PRKG2: variants seen among roughly 807,000 people sequenced by gnomAD.
PRKG2 encodes the protein cGMP-dependent protein kinase 2.
In PRKG2, 33 loss-of-function variants were observed where a neutral mutation model predicts 97.2. The observed-to-expected ratio is 0.34, with a 90% confidence interval of 0.26 to 0.45. PRKG2 has a LOEUF of 0.45. Among genes scored for constraint, PRKG2 ranks in the 20% least tolerant of loss-of-function variants. The probability of loss-of-function intolerance (pLI) is 1.00; values close to 1 mark genes in which losing one functional copy is unlikely to be tolerated. For synonymous variants in PRKG2, 330 were observed against 321.8 expected, an observed-to-expected ratio of 1.03 and a Z score of -0.27; for missense variants, 638 against 900.0, an observed-to-expected ratio of 0.71 and a Z score of 3.73.
intron 6 of PRKG2, among the ~76,000 whole-genome samples, chr4:81,158,402 T>G (rs1028220791): frequency 1.8e-5 from 2 of 113,930 alleles, no homozygotes; most frequent in Non-Finnish European, 3.1e-5. Flanking sequence ...CAAGGAGAAC[T>G]ACAAACCTTC....
At chr4:81,103,750 G>C (rs929083293) in intron 17 of PRKG2, among the ~76,000 whole-genome samples, 1 of 152,066 alleles carries the variant, frequency 6.6e-6, no homozygotes, top group African/African-American at 2.4e-5. Flanking sequence ...ATACATACTA[G>C]GATCAGGCAT....
In PRKG2 at chr4:81,089,613, A is replaced by T. The variant is rs1578315009; in HGVS notation, c.*95T>A. 1.1e-6 allele frequency: 1 copy of T among 922,934 alleles called. No individual in the cohort carries two copies. The highest frequency in any genetic ancestry group is 2.6e-5 in the East Asian group (1 of 39,090). 57.2% of individuals were successfully genotyped at this position (922,934 alleles called of 1,614,324 possible). A position where few individuals can be genotyped will look rare whatever the true frequency, so the allele number is the denominator to read the frequency against. ...TCTTTTCCCTAATGGTCTTCCAAAG[A>T]TATTATAATACTCTGAAAAGAAAAT... On this transcript the variant is annotated 3_prime_UTR_variant, in exon 19 of 19. Transcript: ENST00000264399.
At chr4:81,183,943 G>C (rs1355389287) in intron 2 of PRKG2, among the ~76,000 whole-genome samples, 1 of 152,176 alleles carries the variant, frequency 6.6e-6, no homozygotes, top group Non-Finnish European at 1.5e-5. Flanking sequence ...TGCCTCTCTA[G>C]ATTCCCCCTC....
intron 15 of PRKG2, among the ~76,000 whole-genome samples, chr4:81,108,477 GTT>G (rs58784804): frequency 2.9e-5 from 4 of 138,754 alleles, no homozygotes; most frequent in Non-Finnish European, 1.6e-5. Context: ...AACACTATTG[GTT>G]TTTTTTTTTT....
At chr4:81,189,054 T>TAAAAAAAAAAAAAAAAAAAAAAAAAAAA (rs1462589613) in intron 2 of PRKG2, among the ~76,000 whole-genome samples, 1 of 10,794 alleles carries the variant, frequency 9.3e-5, no homozygotes, top group Non-Finnish European at 1.5e-4. Flanking sequence ...AAAAAAAGAT[T>TAAAAAAAAAAAAAAAAAAAAAAAAAAAA]AAAAAAAATA....
At chr4:81,112,802 A>G (rs1472095935) in intron 14 of PRKG2, among the ~76,000 whole-genome samples, 2 of 152,230 alleles carry the variant, frequency 1.3e-5, no homozygotes, top group African/African-American at 2.4e-5. Flanking sequence ...CAAGTTTTGT[A>G]TATTTTCTAT....
chr4:81,189,066 TAAAAAAAAAAA>T, intron 2 of PRKG2, among the ~76,000 whole-genome samples: 1 of 17,062 alleles, frequency 5.9e-5, no homozygotes, highest in Non-Finnish European at 7.7e-5. Flanking sequence ...AAAAAAATAA[TAAAAAAAAAAA>T]AAAAAAAAAA....
chr4:81,114,353 A>G (rs1286256364), intron 14 of PRKG2, among the ~76,000 whole-genome samples: 1 of 152,142 alleles, frequency 6.6e-6, no homozygotes, highest in Non-Finnish European at 1.5e-5. Flanking sequence ...TGAAGAGATA[A>G]TCATTAACGT....
chr4:81,214,208 T>G (rs2110140635), intron 1 of PRKG2, among the ~76,000 whole-genome samples: 1 of 150,064 alleles, frequency 6.7e-6, no homozygotes, highest in African/African-American at 2.5e-5. Context: ...CCCTGGGAAC[T>G]TGGGGAACAA....
chr4:81,198,849 G>A (rs1026259413), intron 2 of PRKG2, among the ~76,000 whole-genome samples: 5 of 152,152 alleles, frequency 3.3e-5, no homozygotes, highest in Admixed American at 6.6e-5. Flanking sequence ...TGATCTGAGT[G>A]TCTACATGCA....
intron 17 of PRKG2, among the ~76,000 whole-genome samples, chr4:81,100,137 C>A (rs1402956023): frequency 1.3e-5 from 2 of 151,480 alleles, no homozygotes; most frequent in African/African-American, 4.9e-5. Flanking sequence ...GGCCATACTG[C>A]CCAAGGTAAT....
chr4:81,158,851 G>A (rs1417238507), intron 6 of PRKG2, among the ~76,000 whole-genome samples: 2 of 151,956 alleles, frequency 1.3e-5, no homozygotes, highest in Non-Finnish European at 2.9e-5. Context: ...ATGGGGAAAG[G>A]ATTCCCTATT....
At chr4:81,097,092 G>C (rs1200414369) in intron 17 of PRKG2, among the ~76,000 whole-genome samples, 2 of 151,890 alleles carry the variant, frequency 1.3e-5, no homozygotes, top group African/African-American at 4.8e-5. Context: ...TATTCCTTGA[G>C]GTTTAGGCTG....
At chr4:81,186,587 T>A (rs1751900066) in intron 2 of PRKG2, among the ~76,000 whole-genome samples, 2 of 151,036 alleles carry the variant, frequency 1.3e-5, no homozygotes, top group Admixed American at 1.3e-4. Context: ...GCAAACAAAC[T>A]CAAAAGCTAG....
intron 14 of PRKG2, among the ~76,000 whole-genome samples, chr4:81,127,480 T>A (rs1047684838): frequency 6.6e-6 from 1 of 152,234 alleles, no homozygotes; most frequent in African/African-American, 2.4e-5. Context: ...GGAATGTTTT[T>A]CTATTCGTTT....
intron 2 of PRKG2, among the ~76,000 whole-genome samples, chr4:81,191,116 A>C (rs1010007616): frequency 7.3e-6 from 1 of 136,146 alleles, no homozygotes; most frequent in Admixed American, 6.8e-5. Flanking sequence ...TCATTCTACT[A>C]TAAAGATACA....
rs920719033 is a variant in PRKG2 at position 81,140,520 on chromosome 4, A to C, written c.1544+13T>G. ...GAAAATCCTAACTCCTTGGAAGCCA[A>C]GTGGTCACTTACTTCACAATGAATG... On this transcript the variant is annotated intron_variant, in intron 12 of 18. Transcript: ENST00000264399. The C allele has an allele frequency of 6.4e-7, 1 of 1,560,406 alleles. No individual in the cohort carries two copies.
chr4:81,117,600 A>G (rs1744672124), intron 14 of PRKG2, among the ~76,000 whole-genome samples: 1 of 152,156 alleles, frequency 6.6e-6, no homozygotes, highest in Non-Finnish European at 1.5e-5. Context: ...ATACGTTAAA[A>G]TTCTCTCAGC....
intron 1 of PRKG2, among the ~76,000 whole-genome samples, chr4:81,208,954 G>T (rs17005092): frequency 0.058 from 8,872 of 152,156 alleles, 851 homozygotes; most frequent in African/African-American, 0.2. Flanking sequence ...ACACTGCAAT[G>T]AAATGCTTAA....
Sources: allele counts gnomAD v4.1 joint callset (sites outside exome capture counted in the v4.1 genomes callset), GRCh38; gene constraint gnomAD v4.1.1; transcripts MANE v1.5; gene names NCBI Gene and HGNC (gene_info 2026-07-23, HGNC 2026-07-21).